The following CA5B variants were observed in gnomAD, a reference collection of about 807,000 sequenced individuals.
CA5B encodes carbonic anhydrase 5B.
In CA5B, 15 loss-of-function variants were observed where a neutral mutation model predicts 23.1. The ratio of observed to expected loss-of-function variants is 0.65; its 90% CI spans 0.43 to 1.00. The LOEUF (loss-of-function observed/expected upper bound fraction) is 1.00, where lower values mean the gene tolerates loss of function less well. Among genes scored for constraint, CA5B ranks in the 50% least tolerant of loss-of-function variants. The pLI is 0.00. For missense variants in CA5B, 236 were observed against 252.2 expected (o/e 0.94, Z 0.43); for synonymous variants, 84 against 98.5 (o/e 0.85, Z 0.87).
intron 1 of CA5B, among the ~76,000 whole-genome samples, chrX:15,739,812 T>C (rs1931081849): frequency 9.0e-6 from 1 of 111,717 alleles, no homozygotes; most frequent in Non-Finnish European, 1.9e-5. Context: ...AAGCTGAGCT[T>C]TCTCAGTCAA....
intron 1 of CA5B, among the ~76,000 whole-genome samples, chrX:15,742,145 C>G (rs1164776708): frequency 8.9e-6 from 1 of 112,089 alleles, no homozygotes; most frequent in African/African-American, 3.2e-5. Context: ...TCCAGTAATC[C>G]TTAACTCCTT....
At position 15,785,181 on chromosome X, in the gene CA5B, C is replaced by G. The variant is rs139098554; in HGVS notation, c.*2517C>G. 1.3e-3 allele frequency: 150 copies of G among 112,030 alleles called. 1 individual carries two copies. The highest frequency in any genetic ancestry group is 4.0e-3 in the African/African-American group (123 of 30,864). The allele number at this position is 112,030 out of a possible 1,213,427, so 9.2% of individuals were successfully genotyped here. A position where few individuals can be genotyped will look rare whatever the true frequency, so the allele number is the denominator to read the frequency against. ...AAAACAGAATTACCATAAGAATTAC[C>G]ACCAAAGCGGGATCTCAAAGAGATA... is the stretch of plus-strand genomic sequence containing the variant. On this transcript the variant is annotated 3_prime_UTR_variant, in exon 8 of 8. Coordinates refer to ENST00000318636, the MANE Select transcript of CA5B (RefSeq NM_007220.4).
intron 1 of CA5B, among the ~76,000 whole-genome samples, chrX:15,747,398 A>G: frequency 9.0e-6 from 1 of 110,590 alleles, no homozygotes; most frequent in Middle Eastern, 4.6e-3. Context: ...CTTGCTGCTG[A>G]TTGTTTGAGG....
At chrX:15,747,147 C>T (rs988016351) in intron 1 of CA5B, among the ~76,000 whole-genome samples, 8 of 111,896 alleles carry the variant, frequency 7.1e-5, no homozygotes, top group Admixed American at 1.9e-4. Context: ...TGAACAAAGA[C>T]AGCCTAAAGG....
chrX:15,748,121 A>C (rs935670588), intron 1 of CA5B, among the ~76,000 whole-genome samples: 1 of 112,045 alleles, frequency 8.9e-6, no homozygotes, highest in Admixed American at 9.4e-5. Flanking sequence ...TATTTTGCAA[A>C]GGGGCTTTCT....
In CA5B at chrX:15,769,338, G is replaced by A. The variant is rs533390949; in HGVS notation, c.341-3158G>A. ...CGCAGTCCTCTCCTGGGTGTTGTTT[G>A]GTATTTGGTTCCCCTGAGTAGGACA... On this transcript the variant is annotated intron_variant, in intron 3 of 7. Transcript: ENST00000318636. 26 of 204,095 alleles carry A rather than the reference G, an allele frequency of 1.3e-4. No individual in the cohort carries two copies. In the South Asian group the frequency reaches 6.0e-3, roughly 47 times the overall value. 16.8% of individuals were successfully genotyped at this position (204,095 alleles called of 1,213,427 possible).
intron 5 of CA5B, 148 bp from the exon 6 acceptor site, chrX:15,775,098 A>T: frequency 2.6e-6 from 1 of 377,683 alleles, no homozygotes. Context: ...TGTTTATAAA[A>T]TTATAAATTA....
chrX:15,762,661 C>T (rs1207451646), intron 2 of CA5B: 6 of 280,916 alleles, frequency 2.1e-5, no homozygotes, highest in South Asian at 1.0e-4. Flanking sequence ...CCTCGTGATC[C>T]GCCAAAGTGC....
intron 3 of CA5B, among the ~76,000 whole-genome samples, chrX:15,770,619 C>T (rs1005229347): frequency 9.1e-6 from 1 of 110,456 alleles, no homozygotes; most frequent in African/African-American, 3.3e-5. Flanking sequence ...TTCTTTCCTG[C>T]ATTCATCTGC....
At chrX:15,763,640 A>G (rs890190527) in intron 2 of CA5B, among the ~76,000 whole-genome samples, 2 of 112,541 alleles carry the variant, frequency 1.8e-5, no homozygotes, top group African/African-American at 6.5e-5. Context: ...CAGAAGCAGA[A>G]CCAATAAGGT....
intron 3 of CA5B, among the ~76,000 whole-genome samples, chrX:15,771,019 C>T (rs1344323504): frequency 1.9e-5 from 2 of 106,914 alleles, no homozygotes; most frequent in Non-Finnish European, 3.9e-5. Context: ...CCGCCCGCCT[C>T]AGCCTCCCAA....
chrX:15,771,056 C>G (rs1304799701), intron 3 of CA5B, among the ~76,000 whole-genome samples: 3 of 107,280 alleles, frequency 2.8e-5, no homozygotes, highest in Admixed American at 2.0e-4. Flanking sequence ...GCATGAGCCA[C>G]CGTGCCCGGC....
intron 2 of CA5B, among the ~76,000 whole-genome samples, chrX:15,752,121 A>G (rs1931368857): frequency 9.0e-6 from 1 of 111,588 alleles, no homozygotes. Flanking sequence ...TTAGGGAGAC[A>G]GAAGTTACAC....
chrX:15,757,157 C>T (rs1415115500), intron 2 of CA5B, among the ~76,000 whole-genome samples: 2 of 110,000 alleles, frequency 1.8e-5, no homozygotes, highest in Non-Finnish European at 3.8e-5. Context: ...GGGTGGATCA[C>T]GAGGTCAGGA....
Position 15,756,836 on chromosome X carries a change from C to G in CA5B, c.142+6671C>G, listed in dbSNP as rs753957555. 3.6e-5 allele frequency among the ~76,000 whole-genome samples: 4 copies of G among 110,432 alleles called. No individual in the cohort carries two copies. In the East Asian group the frequency reaches 1.1e-3, roughly 32 times the overall value. ...TTGGGAGGCCAAGGCGGGTGGATCACAAGGTCAGGAGATCGAGACCATCCT... is the reference window on the plus strand; with the variant it reads ...TTGGGAGGCCAAGGCGGGTGGATCAGAAGGTCAGGAGATCGAGACCATCCT... On this transcript the variant is annotated intron_variant, in intron 2 of 7. Coordinates refer to ENST00000318636, the MANE Select transcript of CA5B (RefSeq NM_007220.4).
intron 4 of CA5B, among the ~76,000 whole-genome samples, chrX:15,773,424 T>C (rs1433646562): frequency 1.0e-5 from 1 of 96,186 alleles, no homozygotes; most frequent in Non-Finnish European, 2.1e-5. Context: ...TTTTTTTTTT[T>C]TTTGGGACAG....
intron 2 of CA5B, among the ~76,000 whole-genome samples, chrX:15,756,911 G>A (rs1364350042): frequency 1.9e-5 from 2 of 106,724 alleles, no homozygotes; most frequent in Admixed American, 1.0e-4. Flanking sequence ...AAATTTAGCC[G>A]GGTGTGGTGG....
chrX:15,741,283 G>A (rs1414394906), intron 1 of CA5B, among the ~76,000 whole-genome samples: 1 of 105,557 alleles, frequency 9.5e-6, no homozygotes, highest in Non-Finnish European at 1.9e-5. Flanking sequence ...GGCCAGGCTG[G>A]TCTGGGACTC....
rs180972879 is a variant in CA5B at position 15,775,693 on chromosome X, G to A, written c.618+385G>A. 7.0e-4 allele frequency: 528 copies of A among 759,392 alleles called. 3 individuals are homozygous for A. In the East Asian group the frequency reaches 8.9e-3, roughly 13 times the overall value. 62.6% of individuals were successfully genotyped at this position (759,392 alleles called of 1,213,427 possible). A position where few individuals can be genotyped will look rare whatever the true frequency, so the allele number is the denominator to read the frequency against. On this transcript the variant is annotated intron_variant, in intron 6 of 7. Coordinates refer to ENST00000318636, the MANE Select transcript of CA5B (RefSeq NM_007220.4). ...TTGCCTTGTCCAGCTAGAAAGAACA[G>A]TAATCCACATCCTTCAGGTCGGATG...
Sources: allele counts gnomAD v4.1 joint callset (sites outside exome capture counted in the v4.1 genomes callset), GRCh38; gene constraint gnomAD v4.1.1; transcripts MANE v1.5; gene names NCBI Gene and HGNC (gene_info 2026-07-23, HGNC 2026-07-21).